Variants in PAK4 observed in about 807,000 individuals in gnomAD.
PAK4 encodes serine/threonine-protein kinase PAK 4.
Under a neutral mutation model 53.5 loss-of-function variants are expected in PAK4, and 49 were observed. The ratio of observed to expected loss-of-function variants is 0.92; its 90% CI spans 0.73 to 1.16. PAK4 has a LOEUF of 1.16. Ranked by LOEUF, PAK4 falls within the 50% of genes most tolerant of loss-of-function variation. The pLI, the probability that PAK4 is intolerant of heterozygous loss-of-function variation, is 0.00. For missense variants in PAK4, 824 were observed against 850.7 expected (o/e 0.97, Z 0.39); for synonymous variants, 376 against 375.6 (o/e 1.00, Z -0.01).
chr19:39,148,055 G>A (rs908208636), intron 1 of PAK4, among the ~76,000 whole-genome samples: 50 of 150,456 alleles, frequency 3.3e-4, no homozygotes, highest in African/African-American at 1.2e-3. Context: ...GGGTTCGAGC[G>A]ATTTTTCTGC....
At chr19:39,174,869 G>C in intron 4 of PAK4, 62 bp from the exon 6 acceptor site, 1 of 1,602,554 alleles carries the variant, frequency 6.2e-7, no homozygotes, top group Non-Finnish European at 8.5e-7. Context: ...GGGTGGCGGT[G>C]GCTGGGTCTG....
intron 1 of PAK4, among the ~76,000 whole-genome samples, chr19:39,166,609 T>C (rs1324682948): frequency 1.3e-5 from 2 of 152,182 alleles, no homozygotes; most frequent in East Asian, 1.9e-4. Context: ...TGAGGTCATA[T>C]AGGGCCAGTC....
intron 1 of PAK4, among the ~76,000 whole-genome samples, chr19:39,128,892 G>A (rs998662272): frequency 7.9e-5 from 12 of 152,182 alleles, no homozygotes; most frequent in African/African-American, 2.2e-4. Context: ...AGATGCCTTG[G>A]CCCAGGCCCG....
chr19:39,164,005 G>A (rs2074327257), intron 1 of PAK4, among the ~76,000 whole-genome samples: 4 of 152,168 alleles, frequency 2.6e-5, no homozygotes, highest in South Asian at 2.1e-4. Context: ...GGCTGGGCCC[G>A]GTGGCTCACG....
At chr19:39,135,071 A>C (rs1233484323) in intron 1 of PAK4, 1 of 152,258 alleles carries the variant, frequency 6.6e-6, no homozygotes, top group Non-Finnish European at 1.5e-5. Context: ...GCTGCCACAC[A>C]GCCTCCCAAG....
rs1315005141 is a variant in PAK4, at chr19:39,172,026, C to G, written c.205-892C>G. Among the ~76,000 whole-genome samples the G allele has an allele frequency of 2.0e-5, 3 of 152,286 alleles. No homozygotes were observed. In the South Asian group the frequency reaches 6.2e-4, roughly 32 times the overall value. On this transcript the variant is annotated intron_variant, in intron 2 of 8. Coordinates refer to ENST00000358301, the Ensembl canonical transcript of PAK4. Reference sequence around the variant, plus strand: ...TCTGTATCAGCTGCTGTTAGGTGCTCTAGGTAGAATGCAGGCAGGGCAGGG... The same window carrying G: ...TCTGTATCAGCTGCTGTTAGGTGCTGTAGGTAGAATGCAGGCAGGGCAGGG...
chr19:39,160,629 C>G (rs995986725), intron 1 of PAK4, among the ~76,000 whole-genome samples: 1 of 152,178 alleles, frequency 6.6e-6, no homozygotes, highest in Non-Finnish European at 1.5e-5. Flanking sequence ...GAGTCCAAGA[C>G]ATACACGGAG....
At chr19:39,168,151 G>C (rs2074409952) in intron 1 of PAK4, 79 bp from the exon 2 acceptor site, 1 of 152,254 alleles carries the variant, frequency 6.6e-6, no homozygotes, top group Non-Finnish European at 1.5e-5. Context: ...AGTGGCCACA[G>C]AGGAGGCCCA....
At chr19:39,163,237 G>A (rs577618370) in intron 1 of PAK4, among the ~76,000 whole-genome samples, 443 of 152,242 alleles carry the variant, frequency 2.9e-3, no homozygotes, top group Non-Finnish European at 5.1e-3. Flanking sequence ...GGCAGTGAGC[G>A]GTCTGGGTCC....
Position 39,175,154 on chromosome 19 carries a change from C to A in PAK4, c.1232+90C>A. ...GGGCCACATCTCCAAACCAGCTGTG[C>A]TCCGGGCCCCTGGGATGGGGTCGTG... On this transcript the variant is annotated intron_variant, in intron 5 of 8. Coordinates refer to ENST00000358301, the Ensembl canonical transcript of PAK4. The surrounding 1 kb of genome is among the most constrained non-coding windows in gnomAD (Gnocchi z 4.7). 6.6e-7 allele frequency: 1 copy of A among 1,519,712 alleles called. No individual in the cohort carries two copies. The highest frequency in any genetic ancestry group is 8.9e-7 in the Non-Finnish European group (1 of 1,119,124). The allele number at this position is 1,519,712 out of a possible 1,614,324, so 94.1% of individuals were successfully genotyped here.
At chr19:39,152,520 A>G (rs1480929913) in intron 1 of PAK4, 1 of 152,176 alleles carries the variant, frequency 6.6e-6, no homozygotes, top group African/African-American at 2.4e-5. Context: ...TGAACCTAAT[A>G]AGGAAAAGAA....
At chr19:39,127,445 C>T (rs1271779693) in intron 1 of PAK4, among the ~76,000 whole-genome samples, 1 of 152,086 alleles carries the variant, frequency 6.6e-6, no homozygotes, top group Non-Finnish European at 1.5e-5. Context: ...GCTGCAGGCT[C>T]TTTTTCTCTC....
chr19:39,157,359 CTA>C (rs1231282586), intron 1 of PAK4, among the ~76,000 whole-genome samples: 3 of 152,106 alleles, frequency 2.0e-5, no homozygotes, highest in East Asian at 1.9e-4. Context: ...CCCTGTGTAT[CTA>C]TGTGTGGATC....
At chr19:39,130,118 G>A (rs2073673014) in intron 1 of PAK4, among the ~76,000 whole-genome samples, 2 of 150,958 alleles carry the variant, frequency 1.3e-5, no homozygotes, top group East Asian at 2.0e-4. Flanking sequence ...GAAGGGTCAG[G>A]GCGGGATGTG....
intron 1 of PAK4, among the ~76,000 whole-genome samples, chr19:39,127,147 C>A (rs1047598886): frequency 1.3e-5 from 2 of 152,050 alleles, no homozygotes; most frequent in Non-Finnish European, 1.5e-5. Context: ...GTCCGACGGG[C>A]TTCTGACTGG....
chr19:39,167,556 G>A (rs765315587), intron 1 of PAK4, among the ~76,000 whole-genome samples: 1 of 152,138 alleles, frequency 6.6e-6, no homozygotes, highest in African/African-American at 2.4e-5. Context: ...CCCCCCGTCC[G>A]CCCTCCATCC....
rs558641927 is a variant in PAK4, at chr19:39,162,555, A to G, written c.-22-6977A>G. Among the ~76,000 whole-genome samples the G allele has an allele frequency of 1.6e-3, 247 of 152,216 alleles. 2 individuals carry two copies. Among genetic ancestry groups the G allele is most frequent in the Middle Eastern group, 0.01 (3 of 294 alleles). ...AGTGCTGGGATTACAGGCGTGAACC[A>G]CCGTGCCCGGCCTTGACCACTTTAT... On this transcript the variant is annotated intron_variant, in intron 1 of 8. Coordinates refer to ENST00000358301, the Ensembl canonical transcript of PAK4.
intron 1 of PAK4, among the ~76,000 whole-genome samples, chr19:39,152,703 G>A (rs971625558): frequency 2.0e-5 from 3 of 152,094 alleles, no homozygotes; most frequent in African/African-American, 7.2e-5. Context: ...CATTACGTTT[G>A]GGGGGGTGGA....
chr19:39,129,307 G>A (rs1049603252), intron 1 of PAK4, among the ~76,000 whole-genome samples: 2 of 151,862 alleles, frequency 1.3e-5, no homozygotes, highest in Non-Finnish European at 2.9e-5. Context: ...TTTTGTGATC[G>A]TGTCACACAG....
Sources: gnomAD v4.1 joint callset for allele counts (sites outside exome capture counted in the v4.1 genomes callset) on GRCh38, gnomAD v4.1.1 for gene constraint, Gnocchi (gnomAD v3.1) non-coding constraint, MANE v1.5 for transcripts, NCBI Gene and HGNC (gene_info 2026-07-23, HGNC 2026-07-21) for gene names.